The following UBE3D variants were observed in gnomAD, a reference collection of about 807,000 sequenced individuals.
UBE3D encodes E3 ubiquitin-protein ligase E3D.
A neutral mutation model predicts 49.6 loss-of-function variants in UBE3D; 48 were observed. That is an observed-to-expected ratio of 0.97 (90% confidence interval 0.77 to 1.23). UBE3D has a LOEUF of 1.23. UBE3D is among the 50% of genes most tolerant of loss of function. UBE3D has a pLI of 0.00. For synonymous variants in UBE3D, 189 were observed against 174.2 expected (o/e 1.08, Z -0.67); for missense variants, 452 against 468.4 (o/e 0.96, Z 0.32).
chr6:83,005,644 A>G (rs1779924469), intron 8 of UBE3D, among the ~76,000 whole-genome samples: 1 of 151,884 alleles, frequency 6.6e-6, no homozygotes, highest in African/African-American at 2.4e-5. Context: ...AAAAGAAAAA[A>G]AAAAGAATTG....
intron 9 of UBE3D, among the ~76,000 whole-genome samples, chr6:82,949,144 T>C (rs1775609656): frequency 6.6e-6 from 1 of 152,066 alleles, no homozygotes; most frequent in Non-Finnish European, 1.5e-5. Flanking sequence ...GAAAAACTAT[T>C]AGAATTGATA....
chr6:83,044,602 T>A lies in UBE3D; in HGVS notation c.423A>T (p.Glu141Asp). 1 of 1,614,122 alleles carries A rather than the reference T, an allele frequency of 6.2e-7. No homozygotes were observed. Among genetic ancestry groups the A allele is most frequent in the Non-Finnish European group, 8.5e-7 (1 of 1,179,992 alleles). ...CAAAGGGGTCAGGATGACAACACCA[T>A]TCTCCAACTAGAGCTCCCCAGTTCT... ...PSENWGALVGEWCCHPDPFAN... is the reference protein window; with the variant it reads ...PSENWGALVGDWCCHPDPFAN... Residue 141 changes from glutamate to aspartate, a missense_variant, in exon 4 of 10, where the codon GAA becomes GAT. By Grantham distance (45) the Glu-to-Asp change is conservative. Coordinates refer to ENST00000369747, the MANE Select transcript of UBE3D (RefSeq NM_198920.3).
At chr6:83,011,270 TACTC>T (rs1780318737) in intron 8 of UBE3D, among the ~76,000 whole-genome samples, 2 of 152,180 alleles carry the variant, frequency 1.3e-5, no homozygotes, top group Non-Finnish European at 2.9e-5. Context: ...GAGAAGGAAA[TACTC>T]ACGACACTTA....
chr6:83,044,313 T>C (rs1582731243), intron 4 of UBE3D, 115 bp downstream of exon 4: 3 of 931,200 alleles, frequency 3.2e-6, no homozygotes, highest in East Asian at 2.4e-5. Context: ...TTGAAAATAA[T>C]GAATTTTGGC....
intron 3 of UBE3D, among the ~76,000 whole-genome samples, chr6:83,046,543 G>C (rs895797201): frequency 9.9e-5 from 15 of 152,044 alleles, no homozygotes; most frequent in African/African-American, 3.6e-4. Context: ...CACAAAATAT[G>C]AACACATACA....
rs1254003656 is a variant in UBE3D at position 82,937,536 on chromosome 6, A to G, written c.1149+19776T>C. Among the ~76,000 whole-genome samples the G allele has an allele frequency of 3.9e-5, 6 of 152,330 alleles. No individual in the cohort carries two copies. In the East Asian group the frequency reaches 1.2e-3, roughly 29 times the overall value. ...AGCCATGCTCAGTGTGTGGGAAAGA[A>G]CGAAGTCCTCTCAGTAGCAGCTCCA... On this transcript the variant is annotated intron_variant, in intron 9 of 9. Transcript: ENST00000369747.
At chr6:83,063,646 A>G (rs747541489) in intron 1 of UBE3D, among the ~76,000 whole-genome samples, 6 of 152,196 alleles carry the variant, frequency 3.9e-5, no homozygotes, top group Non-Finnish European at 8.8e-5. Flanking sequence ...ACTCAACATT[A>G]TTAGTCATCG....
chr6:83,002,506 G>A (rs1441867479), intron 8 of UBE3D, among the ~76,000 whole-genome samples: 1 of 152,178 alleles, frequency 6.6e-6, no homozygotes, highest in Non-Finnish European at 1.5e-5. Context: ...CCAACCTGAT[G>A]AAACCTCGTC....
chr6:82,980,052 CAAAT>C (rs1198462403), intron 8 of UBE3D, among the ~76,000 whole-genome samples: 2 of 152,084 alleles, frequency 1.3e-5, no homozygotes, highest in Non-Finnish European at 2.9e-5. Context: ...CTGGAATAAA[CAAAT>C]AAATGAATGC....
chr6:82,882,287 G>T, the UBE3D span, among the ~76,000 whole-genome samples: 1 of 152,042 alleles, frequency 6.6e-6, no homozygotes, highest in Non-Finnish European at 1.5e-5. Flanking sequence ...TTTAACAGAG[G>T]GATCATATAG....
intron 9 of UBE3D, among the ~76,000 whole-genome samples, chr6:82,913,688 G>T (rs1036785031): frequency 6.6e-6 from 1 of 152,132 alleles, no homozygotes. Context: ...TTTTGCTTGG[G>T]GATGGAGGTG....
downstream of UBE3D, among the ~76,000 whole-genome samples, chr6:82,891,700 C>G (rs1770981073): frequency 6.6e-6 from 1 of 152,060 alleles, no homozygotes; most frequent in Non-Finnish European, 1.5e-5. Context: ...AAAAGTACAC[C>G]CAATCATAAA....
At chr6:82,938,006 C>G (rs1286814239) in intron 9 of UBE3D, among the ~76,000 whole-genome samples, 2 of 151,956 alleles carry the variant, frequency 1.3e-5, no homozygotes, top group East Asian at 1.9e-4. Context: ...CACACACACA[C>G]AACAACCCTA....
At position 83,054,148 on chromosome 6, in the gene UBE3D, C is replaced by T. The variant is rs1376913152; in HGVS notation, c.365G>A (p.Arg122Lys). The T allele has an allele frequency of 5.6e-6, 9 of 1,612,146 alleles. No homozygotes were observed. Among genetic ancestry groups the T allele is most frequent in the African/African-American group, 1.3e-5 (1 of 74,974 alleles). Residue 122 changes from arginine (R) to lysine (K), a missense_variant and splice_region_variant, in exon 3 of 10, where the codon AGG becomes AAG. Physicochemically the swap from Arg to Lys is conservative, Grantham distance 26. Coordinates refer to ENST00000369747, the MANE Select transcript of UBE3D (RefSeq NM_198920.3). ...AATCAGTGTTAAATATATTCCTTAC[C>T]TGTCTTTTATTATGACTTCACCGCA... The part of the protein sequence containing the change: ...QSCGEVIIKD[R>K]KLLRVLPLPS...
chr6:83,023,913 T>A, intron 6 of UBE3D, 56 bp downstream of exon 6: 1 of 1,173,370 alleles, frequency 8.5e-7, no homozygotes. Flanking sequence ...AAAATAAAGG[T>A]CTGAATGGGG....
At chr6:82,936,200 G>C (rs575105013) in intron 9 of UBE3D, among the ~76,000 whole-genome samples, 2 of 152,090 alleles carry the variant, frequency 1.3e-5, no homozygotes, top group African/African-American at 4.8e-5. Flanking sequence ...GATTGTAGAC[G>C]TCAGTCTAAC....
At chr6:83,052,507 G>T (rs568999934) in intron 3 of UBE3D, among the ~76,000 whole-genome samples, 1 of 152,286 alleles carries the variant, frequency 6.6e-6, no homozygotes, top group Admixed American at 6.5e-5. Flanking sequence ...CAACGAGGGG[G>T]AGACAGAGTG....
chr6:82,900,831 C>A (rs1771677332), intron 9 of UBE3D, among the ~76,000 whole-genome samples: 1 of 151,934 alleles, frequency 6.6e-6, no homozygotes, highest in South Asian at 2.1e-4. Context: ...AGGGTCATAC[C>A]TGCCTTTGAA....
chr6:82,942,523 C>T (rs1775086888), intron 9 of UBE3D, among the ~76,000 whole-genome samples: 1 of 152,202 alleles, frequency 6.6e-6, no homozygotes, highest in Non-Finnish European at 1.5e-5. Flanking sequence ...GCCCAGAGTG[C>T]TAGGAGGAAA....
Sources: gnomAD v4.1 joint callset for allele counts (sites outside exome capture counted in the v4.1 genomes callset) on GRCh38, gnomAD v4.1.1 for gene constraint, MANE v1.5 for transcripts, NCBI Gene and HGNC (gene_info 2026-07-23, HGNC 2026-07-21) for gene names.